Variants in NRG1 observed in about 807,000 individuals in gnomAD.
NRG1 encodes neuregulin 1.
NRG1 carries 18 observed loss-of-function variants against 63.8 expected under a neutral mutation model. That is an observed-to-expected ratio of 0.28 (90% CI 0.19 to 0.42). The LOEUF (loss-of-function observed/expected upper bound fraction) is 0.42. Ranked by LOEUF, NRG1 falls within the 10% of genes least tolerant of loss-of-function variation. The pLI is 1.00. For synonymous variants in NRG1, 302 were observed against 301.3 expected (o/e 1.00, Z -0.02); for missense variants, 762 against 814.7 (o/e 0.94, Z 0.79).
At chr8:32,007,372 C>G (rs1245927328) in intron 1 of NRG1, among the ~76,000 whole-genome samples, 1 of 151,950 alleles carries the variant, frequency 6.6e-6, no homozygotes, top group East Asian at 1.9e-4. Context: ...GATTATTTGG[C>G]TAATTCTGCT....
chr8:32,128,684 C>A (rs903424434), intron 1 of NRG1, among the ~76,000 whole-genome samples: 3 of 151,818 alleles, frequency 2.0e-5, no homozygotes, highest in Non-Finnish European at 4.4e-5. Flanking sequence ...CTGCAGCCAG[C>A]GTGTTTTTTC....
intron 1 of NRG1, among the ~76,000 whole-genome samples, chr8:32,029,164 C>G (rs1348242060): frequency 6.6e-6 from 1 of 152,156 alleles, no homozygotes; most frequent in African/African-American, 2.4e-5. Flanking sequence ...TCATTTTTCT[C>G]TAACACATTT....
chr8:32,278,145 C>T (rs1299044890), intron 1 of NRG1, among the ~76,000 whole-genome samples: 1 of 152,198 alleles, frequency 6.6e-6, no homozygotes, highest in Admixed American at 6.5e-5. Flanking sequence ...ATTAATATAT[C>T]ATGGCATTAA....
intron 1 of NRG1, among the ~76,000 whole-genome samples, chr8:32,341,566 G>A (rs1804080711): frequency 1.3e-5 from 2 of 152,190 alleles, no homozygotes; most frequent in Admixed American, 6.5e-5. Flanking sequence ...CAAAGGAGCA[G>A]GAACCCAATG....
intron 7 of NRG1, chr8:32,748,548 T>C (rs1828028683): frequency 4.1e-6 from 1 of 246,160 alleles, no homozygotes; most frequent in Non-Finnish European, 8.1e-6. Flanking sequence ...CCTCTGCAGG[T>C]TCTGCTGTTC....
At chr8:31,973,718 A>G (rs1807683825) in intron 1 of NRG1, among the ~76,000 whole-genome samples, 1 of 152,214 alleles carries the variant, frequency 6.6e-6, no homozygotes, top group African/African-American at 2.4e-5. Context: ...GGCCTGGAGT[A>G]GGGAGAGGAT....
chr8:32,173,998 C>T (rs1840391814), intron 1 of NRG1, among the ~76,000 whole-genome samples: 1 of 152,180 alleles, frequency 6.6e-6, no homozygotes. Context: ...ACCTAATAGA[C>T]ATCTACAGGA....
chr8:31,693,496 G>GCA (rs1809741025), intron 1 of NRG1, among the ~76,000 whole-genome samples: 2 of 123,772 alleles, frequency 1.6e-5, no homozygotes, highest in Non-Finnish European at 3.7e-5. Context: ...CTAAAATGCA[G>GCA]TAAAAAAAAA....
intron 5 of NRG1, among the ~76,000 whole-genome samples, chr8:32,627,133 ATTTATAGGTCAT>A (rs1487120259): frequency 6.6e-6 from 1 of 152,018 alleles, no homozygotes; most frequent in African/African-American, 2.4e-5. Flanking sequence ...TCTACTTCAT[ATTTATAGGTCAT>A]TTTACTAAGA....
intron 2 of NRG1, among the ~76,000 whole-genome samples, chr8:32,603,687 G>T (rs1032658751): frequency 1.3e-5 from 2 of 152,140 alleles, no homozygotes; most frequent in Admixed American, 6.5e-5. Flanking sequence ...ATTTTGGCCA[G>T]GCTTGTCTTG....
At chr8:32,605,021 C>G (rs1178601764) in intron 2 of NRG1, among the ~76,000 whole-genome samples, 1 of 152,070 alleles carries the variant, frequency 6.6e-6, no homozygotes, top group African/African-American at 2.4e-5. Flanking sequence ...AGAAAAATTC[C>G]CTTCCTTTTG....
chr8:31,801,797 G>A (rs1229939029), intron 1 of NRG1, among the ~76,000 whole-genome samples: 4 of 152,260 alleles, frequency 2.6e-5, no homozygotes, highest in East Asian at 1.9e-4. Context: ...AATATCAGAC[G>A]AAAGTTCTTA....
chr8:32,542,767 T>C (rs182175514), intron 1 of NRG1, among the ~76,000 whole-genome samples: 199 of 152,218 alleles, frequency 1.3e-3, no homozygotes, highest in South Asian at 5.4e-3. Flanking sequence ...TGGATTAAAT[T>C]TGCATTTCAA....
At chr8:32,241,728 A>ATG (rs35940818) in intron 1 of NRG1, among the ~76,000 whole-genome samples, 64,026 of 151,480 alleles carry the variant, frequency 0.42, 14,450 homozygotes, top group Non-Finnish European at 0.49. Context: ...GAGCAGTGTA[A>ATG]TGTACTTGCT....
chr8:32,199,882 T>C (rs1843329749), intron 1 of NRG1, among the ~76,000 whole-genome samples: 1 of 152,150 alleles, frequency 6.6e-6, no homozygotes, highest in South Asian at 2.1e-4. Flanking sequence ...TGGGTTCATG[T>C]GATTCTACTG....
intron 1 of NRG1, among the ~76,000 whole-genome samples, chr8:32,458,379 T>C (rs1274586561): frequency 6.6e-6 from 1 of 152,220 alleles, no homozygotes; most frequent in Non-Finnish European, 1.5e-5. Flanking sequence ...TCTGGCCATT[T>C]TTCTCTGGCC....
At chr8:32,222,644 T>C (rs1208357404) in intron 1 of NRG1, among the ~76,000 whole-genome samples, 1 of 152,192 alleles carries the variant, frequency 6.6e-6, no homozygotes, top group South Asian at 2.1e-4. Context: ...AATGGCACCA[T>C]TAGCTACGGA....
chr8:31,946,885 T>A (rs1399367433), intron 1 of NRG1, among the ~76,000 whole-genome samples: 1 of 152,236 alleles, frequency 6.6e-6, no homozygotes, highest in African/African-American at 2.4e-5. Context: ...GATTTGAGAT[T>A]GATACTAATG....
At chr8:31,664,310 G>A (rs555524668) in intron 1 of NRG1, among the ~76,000 whole-genome samples, 1 of 152,256 alleles carries the variant, frequency 6.6e-6, no homozygotes, top group Non-Finnish European at 1.5e-5. Context: ...TTTGAAGACA[G>A]GATGATTTAA....
Sources: gnomAD v4.1 joint callset for allele counts (sites outside exome capture counted in the v4.1 genomes callset) on GRCh38, gnomAD v4.1.1 for gene constraint, MANE v1.5 for transcripts, NCBI Gene and HGNC (gene_info 2026-07-23, HGNC 2026-07-21) for gene names.